Variants in MARK1 observed in about 807,000 individuals in gnomAD.
MARK1 encodes the protein serine/threonine-protein kinase MARK1.
A neutral mutation model predicts 96.3 loss-of-function variants in MARK1; 40 were observed. The observed-to-expected ratio is 0.42, with a 90% CI of 0.32 to 0.54. The LOEUF is 0.54. Among genes scored for constraint, MARK1 ranks in the 20% least tolerant of loss-of-function variants. The pLI is 0.16. For missense variants in MARK1, 719 were observed against 984.6 expected, an observed-to-expected ratio of 0.73 and a Z score of 3.61; for synonymous variants, 317 against 341.2, an observed-to-expected ratio of 0.93 and a Z score of 0.78.
At chr1:220,561,958 A>G (rs1182607071) in intron 1 of MARK1, among the ~76,000 whole-genome samples, 2 of 152,214 alleles carry the variant, frequency 1.3e-5, no homozygotes, top group African/African-American at 2.4e-5. Flanking sequence ...GAAGAAGGCC[A>G]TGATTTCAGA....
intron 13 of MARK1, among the ~76,000 whole-genome samples, chr1:220,646,685 G>A (rs1470917233): frequency 2.6e-5 from 4 of 152,134 alleles, no homozygotes; most frequent in African/African-American, 9.7e-5. Context: ...AAAACAGCAT[G>A]GTATTGGTAC....
chr1:220,567,687 G>A (rs1194746360), intron 1 of MARK1, among the ~76,000 whole-genome samples: 1 of 152,158 alleles, frequency 6.6e-6, no homozygotes, highest in Non-Finnish European at 1.5e-5. Context: ...TTGAGAATGT[G>A]CCAAGCACTG....
At chr1:220,585,573 G>A (rs906134166) in intron 3 of MARK1, among the ~76,000 whole-genome samples, 1 of 152,082 alleles carries the variant, frequency 6.6e-6, no homozygotes, top group African/African-American at 2.4e-5. Context: ...ACATACAGAT[G>A]TGCATCCAAA....
At chr1:220,623,142 G>A (rs1037196488) in intron 9 of MARK1, among the ~76,000 whole-genome samples, 3 of 152,078 alleles carry the variant, frequency 2.0e-5, no homozygotes, top group African/African-American at 7.2e-5. Flanking sequence ...TCTATGTCTA[G>A]TGCAGTTGGT....
intron 1 of MARK1, among the ~76,000 whole-genome samples, chr1:220,547,760 G>A (rs553714516): frequency 4.0e-4 from 61 of 152,296 alleles, no homozygotes; most frequent in Non-Finnish European, 7.5e-4. Flanking sequence ...TAGAGACAGT[G>A]TTTCACCGTG....
At chr1:220,549,472 T>G (rs146074652) in intron 1 of MARK1, among the ~76,000 whole-genome samples, 1,970 of 152,352 alleles carry the variant, frequency 0.013, 22 homozygotes, top group Middle Eastern at 0.037. Context: ...TACATGGTTT[T>G]CATTTTTTAA....
intron 1 of MARK1, among the ~76,000 whole-genome samples, chr1:220,562,794 A>G (rs772188973): frequency 3.0e-4 from 45 of 152,328 alleles, no homozygotes; most frequent in Middle Eastern, 3.4e-3. Context: ...GATTACTTAT[A>G]ATACCGAATA....
intron 1 of MARK1, among the ~76,000 whole-genome samples, chr1:220,550,007 A>G (rs559284059): frequency 6.6e-6 from 1 of 152,364 alleles, no homozygotes; most frequent in East Asian, 1.9e-4. Context: ...CACAGTCGTG[A>G]TACAACTAAA....
intron 1 of MARK1, among the ~76,000 whole-genome samples, chr1:220,556,464 C>T (rs146572152): frequency 1.7e-5 from 2 of 116,200 alleles, no homozygotes; most frequent in African/African-American, 6.7e-5. Flanking sequence ...CTTTCAAAAT[C>T]TAGGACCCAT....
At chr1:220,638,110 G>A (rs1027276443) in intron 13 of MARK1, among the ~76,000 whole-genome samples, 1 of 148,054 alleles carries the variant, frequency 6.8e-6, no homozygotes, top group Non-Finnish European at 1.5e-5. Flanking sequence ...ACTATAATGG[G>A]GCTTAAATTT....
intron 1 of MARK1, among the ~76,000 whole-genome samples, chr1:220,553,674 G>T (rs1001779443): frequency 6.6e-6 from 1 of 152,166 alleles, no homozygotes; most frequent in Non-Finnish European, 1.5e-5. Context: ...ATGGTAACTT[G>T]GTGGCCTATG....
At chr1:220,581,557 G>A (rs1664244437) in intron 3 of MARK1, among the ~76,000 whole-genome samples, 1 of 152,122 alleles carries the variant, frequency 6.6e-6, no homozygotes. Flanking sequence ...ACTTTTGTGA[G>A]TTTTCAGATA....
chr1:220,567,024 C>T (rs945434254), intron 1 of MARK1, among the ~76,000 whole-genome samples: 2 of 152,096 alleles, frequency 1.3e-5, no homozygotes, highest in Admixed American at 6.6e-5. Context: ...TTCTTCCCCA[C>T]CTAGTCCTTA....
At chr1:220,603,111 C>T (rs1358515288) in intron 5 of MARK1, among the ~76,000 whole-genome samples, 1 of 151,964 alleles carries the variant, frequency 6.6e-6, no homozygotes, top group Non-Finnish European at 1.5e-5. Flanking sequence ...TACCACTTTG[C>T]TATACTTTAC....
intron 13 of MARK1, among the ~76,000 whole-genome samples, chr1:220,644,617 G>A (rs900271455): frequency 6.6e-6 from 1 of 151,824 alleles, no homozygotes; most frequent in African/African-American, 2.4e-5. Flanking sequence ...CCCCAGAACA[G>A]CAGAATATAC....
intron 1 of MARK1, among the ~76,000 whole-genome samples, chr1:220,536,047 C>T (rs1401376371): frequency 1.3e-5 from 2 of 151,912 alleles, no homozygotes; most frequent in Non-Finnish European, 2.9e-5. Flanking sequence ...TAAAAAATGC[C>T]ATTAGGTTAG....
chr1:220,586,568 G>A (rs1041063493), intron 3 of MARK1, among the ~76,000 whole-genome samples: 8 of 152,138 alleles, frequency 5.3e-5, no homozygotes, highest in East Asian at 1.9e-4. Context: ...TTTTGTTTCT[G>A]ATGTTTTTGT....
chr1:220,548,316 AT>A (rs1411815432), intron 1 of MARK1, among the ~76,000 whole-genome samples: 1 of 152,254 alleles, frequency 6.6e-6, no homozygotes, highest in Non-Finnish European at 1.5e-5. Flanking sequence ...TTAAGTTGAT[AT>A]GATTATTAGC....
chr1:220,601,371 A>T (rs1370435621), intron 5 of MARK1, among the ~76,000 whole-genome samples: 1 of 151,814 alleles, frequency 6.6e-6, no homozygotes, highest in African/African-American at 2.4e-5. Flanking sequence ...CTTAACTTGA[A>T]AATCTATCAT....
Sources: allele counts gnomAD v4.1 joint callset (sites outside exome capture counted in the v4.1 genomes callset), GRCh38; gene constraint gnomAD v4.1.1; transcripts MANE v1.5; gene names NCBI Gene and HGNC (gene_info 2026-07-23, HGNC 2026-07-21).